Variants in RYR1 observed in about 807,000 individuals in gnomAD.
The protein encoded by RYR1 is central core disease of muscle.
In RYR1, 342 loss-of-function variants were observed where a neutral mutation model predicts 583.5. That is an observed-to-expected ratio of 0.59 (90% CI 0.54 to 0.64). The LOEUF is 0.64. Among genes scored for constraint, RYR1 ranks in the 30% least tolerant of loss-of-function variants. The pLI, the probability that RYR1 is intolerant of heterozygous loss-of-function variation, is 0.00. For synonymous variants in RYR1, 2,791 were observed against 2,822.5 expected (o/e 0.99, Z 0.35); for missense variants, 6,032 against 6,917.2 (o/e 0.87, Z 4.54).
Position 38,578,057 on chromosome 19 carries a change from A to G in RYR1, c.14303+9A>G, listed in dbSNP as rs1473103210. On this transcript the variant is annotated intron_variant, in intron 98 of 105. Transcript: ENST00000359596. ...CCAGGGCTGCTGACCTGGTGAGCCC[A>G]GGACACCCCTGCACAGGCCTGGGGC... The G allele has an allele frequency of 5.6e-6, 9 of 1,613,914 alleles. No individual in the cohort carries two copies. Among genetic ancestry groups the G allele is most frequent in the Non-Finnish European group, 7.6e-6 (9 of 1,179,962 alleles).
In RYR1 at chr19:38,537,860, G is replaced by A. The variant is rs1972041800; in HGVS notation, c.11609-20G>A. The A allele has an allele frequency of 6.2e-7, 1 of 1,612,850 alleles. No individual in the cohort carries two copies. The highest frequency in any genetic ancestry group is 8.5e-7 in the Non-Finnish European group (1 of 1,179,374). ...GCGCATCTGACCCCTCCTGGGCCCT[G>A]TCCCCTCCCTTCCACCTAGGAGAGA... On this transcript the variant is annotated intron_variant, in intron 83 of 105. Transcript: ENST00000359596.
At chr19:38,445,022 C>G (rs1331697588) in intron 7 of RYR1, among the ~76,000 whole-genome samples, 1 of 151,914 alleles carries the variant, frequency 6.6e-6, no homozygotes, top group Non-Finnish European at 1.5e-5. Context: ...TTTGGGAGGC[C>G]GAGGCAGGTG....
In RYR1 at chr19:38,517,434, G is replaced by C. The variant is rs1456917934; in HGVS notation, c.9761G>C (p.Gly3254Ala). Residue 3254 changes from glycine (G) to alanine (A), a missense_variant, in exon 66 of 106, where the codon GGG (glycine) becomes GCG (alanine). Around this residue, in one of 11 missense-constraint regions of RYR1, gnomAD observed 1,493 missense variants for 1,715.5 expected, o/e 0.87. Transcript: ENST00000359596. ...PVLERLMADIGGLAESGARYT... is the reference protein window; with the variant it reads ...PVLERLMADIAGLAESGARYT... ...CTGGAGCGGCTCATGGCAGACATTG[G>C]GGGGCTGGCCGAGTCAGGTGCCCGC... 6.2e-7 allele frequency: 1 copy of C among 1,614,070 alleles called. No individual in the cohort carries two copies. The highest frequency in any genetic ancestry group is 1.7e-5 in the Admixed American group (1 of 60,006).
At chr19:38,518,943 G>C (rs1386186122) in intron 66 of RYR1, among the ~76,000 whole-genome samples, 1 of 150,472 alleles carries the variant, frequency 6.6e-6, no homozygotes, top group African/African-American at 2.4e-5. Flanking sequence ...AAAAAAAAAA[G>C]TTAGGTAACA....
intron 90 of RYR1, among the ~76,000 whole-genome samples, chr19:38,563,689 G>A (rs780914384): frequency 6.6e-5 from 10 of 152,290 alleles, no homozygotes; most frequent in Middle Eastern, 3.4e-3. Flanking sequence ...AGGGGAAAAC[G>A]GAGGTCCAGA....
At position 38,527,683 on chromosome 19, in the gene RYR1, CTG is replaced by C. The variant is rs1555790936; in HGVS notation, c.10725_10726del (p.Tyr3576ProfsTer12). On this transcript the variant is annotated frameshift_variant, in exon 73 of 106. Transcript: ENST00000359596. LOFTEE classifies it high-confidence loss of function. Reference protein sequence around the residue: ...GSPSLRWQMALYRGVPGREED... With the variant: ...GSPSLRWQMAXYRGVPGREED... ...CCCGTCTCTGCGCTGGCAGATGGCT[CTG>C]TACCGGGGCGTCCCGGGTCGCGAGG... The C allele has an allele frequency of 6.2e-7, 1 of 1,614,152 alleles. No homozygotes were observed. Among genetic ancestry groups the C allele is most frequent in the Admixed American group, 1.7e-5 (1 of 60,018 alleles).
chr19:38,494,644 C>G lies in RYR1; in HGVS notation c.6548+19C>G, dbSNP rs772830993. The G allele has an allele frequency of 1.9e-6, 3 of 1,613,862 alleles. No individual in the cohort carries two copies. Among genetic ancestry groups the G allele is most frequent in the Admixed American group, 3.3e-5 (2 of 60,018 alleles). On this transcript the variant is annotated intron_variant, in intron 39 of 105. Transcript: ENST00000359596. ...GCATCGGGTGAGACACCGCCCTTCCCCCTTACTTTGCATATCCCCTTGGGT... is the reference window on the plus strand; with the variant it reads ...GCATCGGGTGAGACACCGCCCTTCCGCCTTACTTTGCATATCCCCTTGGGT...
chr19:38,574,154 G>T (rs1029246397), intron 96 of RYR1, among the ~76,000 whole-genome samples: 1 of 151,840 alleles, frequency 6.6e-6, no homozygotes, highest in South Asian at 2.1e-4. Context: ...TAGCTACTCC[G>T]GAGGCTGAGG....
In RYR1 at chr19:38,506,956, C is replaced by T. The variant is rs746537111; in HGVS notation, c.8816+4C>T. ...TGAATGGCTACGCGGTTACAAGGCA[C>T]GCGGGTTGGGGCTCCCGCGGAAGAG... On this transcript the variant is annotated splice_donor_region_variant and intron_variant, in intron 57 of 105. Coordinates refer to ENST00000359596, the MANE Select transcript of RYR1 (RefSeq NM_000540.3). 1.7e-5 allele frequency: 27 copies of T among 1,612,304 alleles called. No individual in the cohort carries two copies. Among genetic ancestry groups the T allele is most frequent in the Admixed American group, 3.3e-5 (2 of 59,988 alleles).
chr19:38,503,069 C>A, intron 49 of RYR1, 99 bp downstream of exon 49: 9 of 1,133,786 alleles, frequency 7.9e-6, no homozygotes, highest in Non-Finnish European at 1.0e-5. Flanking sequence ...CACTGCCCAG[C>A]CCAATAAACC....
At chr19:38,511,436 C>T (rs918898561) in intron 60 of RYR1, 125 bp from the exon 61 acceptor site, 30 of 972,170 alleles carry the variant, frequency 3.1e-5, no homozygotes, top group Non-Finnish European at 4.6e-5. Context: ...ATTTGGACCC[C>T]CTCCTGGTTC....
At position 38,528,267 on chromosome 19, in the gene RYR1, G is replaced by C. The variant is rs757067794; in HGVS notation, c.10825-39G>C. 6.5e-6 allele frequency: 10 copies of C among 1,547,688 alleles called. No homozygotes were observed. In the East Asian group the frequency reaches 2.1e-4, roughly 32 times the overall value. ...TCCAGGGCTGGGAGTGAGAGGGGCA[G>C]GGTCTGGGGATGTGACTGTCCTGCT... On this transcript the variant is annotated intron_variant, in intron 73 of 105. Transcript: ENST00000359596.
chr19:38,514,254 A>AC lies in RYR1; in HGVS notation c.9473-768dup, dbSNP rs543372595. Among the ~76,000 whole-genome samples the AC allele has an allele frequency of 4.5e-3, 666 of 149,258 alleles. 7 individuals carry two copies. The highest frequency in any genetic ancestry group is 0.015 in the African/African-American group (612 of 40,528). ...AGATCAGCCTGGGCAACATACTGAG[A>AC]CCCCATCTCTAAAAAAATTTTTTTT... On this transcript the variant is annotated intron_variant, in intron 63 of 105. Transcript: ENST00000359596.
At position 38,467,769 on chromosome 19, in the gene RYR1, A is replaced by G. The variant is rs1968187851; in HGVS notation, c.3338A>G (p.Glu1113Gly). The change falls in exon 25 of 106, where the codon GAG (glutamate) becomes GGG (glycine). Residue 1113 changes from glutamate (E) to glycine (G), a missense_variant. By Grantham distance (98) the Glu-to-Gly change is moderately conservative (BLOSUM62 -2). Coordinates refer to ENST00000359596, the MANE Select transcript of RYR1 (RefSeq NM_000540.3). ...WARPELRPDV[E>G]LGADELAYVF... The stretch of plus-strand genomic sequence containing the variant: ...AGGCCCGAGCTGAGGCCTGATGTAG[A>G]GCTGGGAGCTGACGAGCTGGCCTAT... 1 of 1,614,048 alleles carries G rather than the reference A, an allele frequency of 6.2e-7. No individual in the cohort carries two copies. Among genetic ancestry groups the G allele is most frequent in the Non-Finnish European group, 8.5e-7 (1 of 1,180,040 alleles).
chr19:38,440,740 C>T lies in RYR1; in HGVS notation c.46-5C>T, dbSNP rs774388278. 9 of 1,605,718 alleles carry T rather than the reference C, an allele frequency of 5.6e-6. No individual in the cohort carries two copies. Among genetic ancestry groups the T allele is most frequent in the Middle Eastern group, 2.1e-4 (1 of 4,782 alleles). ...CCCTGGAGACGCTGCCCCTCGGTTCCGCAGGACGATGAGGTGGTCCTGCAG... is the reference window on the plus strand; with the variant it reads ...CCCTGGAGACGCTGCCCCTCGGTTCTGCAGGACGATGAGGTGGTCCTGCAG... On this transcript the variant is annotated splice_region_variant and splice_polypyrimidine_tract_variant and intron_variant, in intron 1 of 105. Transcript: ENST00000359596.
At position 38,500,824 on chromosome 19, in the gene RYR1, G is replaced by A. The variant is rs1970080143; in HGVS notation, c.7448G>A (p.Gly2483Glu). ...AACCCACCCTCCCTGCCTGCAGATG[G>A]GGCTCTGGTGCAGCCAAAGATGTCA... ...PLQIPTLGKD[G>E]ALVQPKMSAS... Residue 2483 changes from glycine (G) to glutamate (E), a missense_variant, in exon 47 of 106, where the codon GGG (glycine) becomes GAG (glutamate). Physicochemically the swap from Gly to Glu is moderately conservative, Grantham distance 98 (BLOSUM62 -2). Around this residue, in one of 11 missense-constraint regions of RYR1, gnomAD observed 2,627 missense variants for 2,961.3 expected, o/e 0.89. Transcript: ENST00000359596. The surrounding 1 kb of genome is among the most constrained non-coding windows in gnomAD (Gnocchi z 5.9). The A allele has an allele frequency of 6.2e-7, 1 of 1,614,006 alleles. No individual in the cohort carries two copies.
intron 67 of RYR1, among the ~76,000 whole-genome samples, chr19:38,519,742 G>A (rs1436680300): frequency 6.6e-6 from 1 of 151,992 alleles, no homozygotes; most frequent in African/African-American, 2.4e-5. Context: ...GCAGTGGCGC[G>A]ATCTCGGCTC....
At chr19:38,568,299 C>CGG (rs1973540699) in intron 93 of RYR1, among the ~76,000 whole-genome samples, 1 of 152,178 alleles carries the variant, frequency 6.6e-6, no homozygotes, top group Non-Finnish European at 1.5e-5. Flanking sequence ...TCCACCACTC[C>CGG]CAGTGCTGCT....
intron 95 of RYR1, 113 bp from the exon 96 acceptor site, chr19:38,573,064 C>T: frequency 6.5e-7 from 1 of 1,539,976 alleles, no homozygotes; most frequent in Non-Finnish European, 8.9e-7. Flanking sequence ...ACTGGGAAAG[C>T]ACTTCTGATG....
Sources: allele counts gnomAD v4.1 joint callset (sites outside exome capture counted in the v4.1 genomes callset), GRCh38; gene constraint gnomAD v4.1.1; regional missense constraint gnomAD v4.1.1; non-coding constraint Gnocchi (gnomAD v3.1); transcripts MANE v1.5; gene names NCBI Gene and HGNC (gene_info 2026-07-23, HGNC 2026-07-21).